The following PRKN variants were observed in gnomAD, a reference collection of about 807,000 sequenced individuals.
PRKN encodes E3 ubiquitin-protein ligase parkin.
Under a neutral mutation model 59.5 loss-of-function variants are expected in PRKN, and 56 were observed. The observed-to-expected ratio is 0.94, with a 90% confidence interval of 0.76 to 1.18. The LOEUF (loss-of-function observed/expected upper bound fraction) is 1.18, where lower values mean the gene tolerates loss of function less well. PRKN is among the 50% of genes most tolerant of loss of function. The probability of loss-of-function intolerance (pLI) is 0.00; values close to 1 mark genes in which losing one functional copy is unlikely to be tolerated. For missense variants in PRKN, 657 were observed against 596.4 expected (o/e 1.10, Z -1.06); for synonymous variants, 250 against 222.1 (o/e 1.13, Z -1.12).
chr6:162,319,756 A>G (rs944071207), intron 2 of PRKN, among the ~76,000 whole-genome samples: 1 of 152,156 alleles, frequency 6.6e-6, no homozygotes, highest in African/African-American at 2.4e-5. Flanking sequence ...ATTAAGAGAG[A>G]CAAATTGCAA....
At chr6:162,073,027 T>C (rs1778647211) in intron 4 of PRKN, among the ~76,000 whole-genome samples, 2 of 152,178 alleles carry the variant, frequency 1.3e-5, no homozygotes, top group South Asian at 4.1e-4. Context: ...TCCTCATGCT[T>C]CACTATCTTA....
intron 1 of PRKN, among the ~76,000 whole-genome samples, chr6:162,493,741 T>C (rs1394448743): frequency 1.3e-5 from 2 of 152,160 alleles, no homozygotes; most frequent in African/African-American, 2.4e-5. Context: ...ACTCCTTCCA[T>C]AAGGAAGCCC....
chr6:161,733,294 G>A (rs1248945631), intron 7 of PRKN, among the ~76,000 whole-genome samples: 5 of 152,100 alleles, frequency 3.3e-5, no homozygotes, highest in Non-Finnish European at 7.4e-5. Context: ...TAAAAGAACT[G>A]AGTAAGATAA....
At chr6:162,709,547 T>C (rs1313519402) in intron 1 of PRKN, among the ~76,000 whole-genome samples, 1 of 152,100 alleles carries the variant, frequency 6.6e-6, no homozygotes, top group African/African-American at 2.4e-5. Context: ...CACTCATTCA[T>C]AGCATCCATC....
rs1011691647 is a variant in PRKN, at chr6:161,447,266, T to C, written c.1084-60389A>G. 6.6e-6 allele frequency among the ~76,000 whole-genome samples: 1 copy of C among 152,172 alleles called. No individual in the cohort carries two copies. The highest frequency in any genetic ancestry group is 2.4e-5 in the African/African-American group (1 of 41,446). On this transcript the variant is annotated intron_variant, in intron 9 of 11. Coordinates refer to ENST00000366898, the MANE Select transcript of PRKN (RefSeq NM_004562.3). This position sits in a 1 kb window ranked among gnomAD's most constrained non-coding sequence, Gnocchi z 4.1. ...CGTGTCTAAATTCTTCGGTTCTCTC[T>C]GACATGCTCAATCTAGGGTTTCCCG...
intron 1 of PRKN, among the ~76,000 whole-genome samples, chr6:162,599,714 G>A (rs570930176): frequency 6.8e-4 from 103 of 152,202 alleles, no homozygotes; most frequent in African/African-American, 2.4e-3. Context: ...ATCAGAATAT[G>A]GGCAGAACTC....
Position 162,165,923 on chromosome 6 carries a change from C to T in PRKN, c.534+35208G>A, listed in dbSNP as rs557121349. Among the ~76,000 whole-genome samples the T allele has an allele frequency of 2.1e-3, 323 of 151,970 alleles. 1 individual carries two copies. Among genetic ancestry groups the T allele is most frequent in the African/African-American group, 7.5e-3 (310 of 41,418 alleles). On this transcript the variant is annotated intron_variant, in intron 4 of 11. Coordinates refer to ENST00000366898, the MANE Select transcript of PRKN (RefSeq NM_004562.3). Reference sequence around the variant, plus strand: ...ATTAGCCGGGTGTGGTGGTGGGCACCTGTAGTCTCAGCTACTCAGGAGGCT... The same window carrying T: ...ATTAGCCGGGTGTGGTGGTGGGCACTTGTAGTCTCAGCTACTCAGGAGGCT...
At chr6:161,626,428 C>T (rs774204761) in intron 7 of PRKN, among the ~76,000 whole-genome samples, 2 of 152,220 alleles carry the variant, frequency 1.3e-5, no homozygotes, top group African/African-American at 2.4e-5. Context: ...GCCAGTCCTT[C>T]CTTCAACCAT....
At position 162,223,636 on chromosome 6, in the gene PRKN, C is replaced by CAG. The variant is rs1421455346; in HGVS notation, c.413-22385_413-22384insCT. 4.7e-5 allele frequency among the ~76,000 whole-genome samples: 5 copies of CAG among 106,512 alleles called. No individual in the cohort carries two copies. In the East Asian group the frequency reaches 3.2e-3, roughly 68 times the overall value. The allele number at this position is 106,512 out of a possible 152,430, so 69.9% of individuals were successfully genotyped here. On this transcript the variant is annotated intron_variant, in intron 3 of 11. Transcript: ENST00000366898. ...TGACACACACACACACACACACACACACACACACACACACACACACACACA... is the reference window on the plus strand; with the variant it reads ...TGACACACACACACACACACACACACAGACACACACACACACACACACACACA...
chr6:162,080,406 C>T (rs574351091), intron 4 of PRKN, among the ~76,000 whole-genome samples: 2 of 151,942 alleles, frequency 1.3e-5, no homozygotes, highest in Non-Finnish European at 2.9e-5. Context: ...TAGTTACAGG[C>T]ATAAGTTGGA....
At chr6:162,599,442 C>A (rs1781614683) in intron 1 of PRKN, among the ~76,000 whole-genome samples, 1 of 152,126 alleles carries the variant, frequency 6.6e-6, no homozygotes, top group African/African-American at 2.4e-5. Context: ...TTCCAGATAA[C>A]AGAATGGGGT....
chr6:162,062,908 G>A (rs1778157915), intron 4 of PRKN, among the ~76,000 whole-genome samples: 1 of 152,168 alleles, frequency 6.6e-6, no homozygotes, highest in Non-Finnish European at 1.5e-5. Context: ...TCTCAATAAA[G>A]TGGGTAAGGA....
At position 161,480,363 on chromosome 6, in the gene PRKN, G is replaced by A. The variant is rs535608778; in HGVS notation, c.1083+68491C>T. On this transcript the variant is annotated intron_variant, in intron 9 of 11. Coordinates refer to ENST00000366898, the MANE Select transcript of PRKN (RefSeq NM_004562.3). This position sits in a 1 kb window ranked among gnomAD's most constrained non-coding sequence, Gnocchi z 4.1. ...GTATGGGGCCCTGTGTGACTGTACAGGTCGCACACTCCAAGCTGGCCCTAT... is the reference window on the plus strand; with the variant it reads ...GTATGGGGCCCTGTGTGACTGTACAAGTCGCACACTCCAAGCTGGCCCTAT... Among the ~76,000 whole-genome samples, 65 of 152,212 alleles carry A rather than the reference G, an allele frequency of 4.3e-4. No homozygotes were observed. The highest frequency in any genetic ancestry group is 1.5e-3 in the African/African-American group (63 of 41,552).
In PRKN at chr6:161,468,774, C is replaced by T. The variant is rs1790613187; in HGVS notation, c.1083+80080G>A. On this transcript the variant is annotated intron_variant, in intron 9 of 11. Coordinates refer to ENST00000366898, the MANE Select transcript of PRKN (RefSeq NM_004562.3). This position sits in a 1 kb window ranked among gnomAD's most constrained non-coding sequence, Gnocchi z 5.9. ...TCTTCTCAAGGACAGGAAAGTCATG[C>T]ACAGTGTATGTTCATTCATTTGTGA... Among the ~76,000 whole-genome samples, 1 of 152,154 alleles carries T rather than the reference C, an allele frequency of 6.6e-6. No homozygotes were observed.
At chr6:162,595,946 C>A (rs1265141966) in intron 1 of PRKN, among the ~76,000 whole-genome samples, 1 of 151,908 alleles carries the variant, frequency 6.6e-6, no homozygotes, top group Non-Finnish European at 1.5e-5. Context: ...ATACTTTTAA[C>A]TTAATCCAAA....
chr6:162,262,927 C>A (rs977912511), intron 2 of PRKN, among the ~76,000 whole-genome samples, 162 bp from the exon 3 acceptor site: 3 of 152,196 alleles, frequency 2.0e-5, no homozygotes, highest in South Asian at 4.1e-4. Flanking sequence ...ACACACTACA[C>A]ACGGTAGACA....
intron 6 of PRKN, among the ~76,000 whole-genome samples, chr6:161,927,871 A>T (rs1562395947): frequency 6.6e-6 from 1 of 152,234 alleles, no homozygotes; most frequent in African/African-American, 2.4e-5. Context: ...TTACTGAAGA[A>T]GCATAAAAAA....
At position 161,423,393 on chromosome 6, in the gene PRKN, G is replaced by A. The variant is rs752627100; in HGVS notation, c.1084-36516C>T. 3.3e-5 allele frequency among the ~76,000 whole-genome samples: 5 copies of A among 152,168 alleles called. No individual in the cohort carries two copies. Among genetic ancestry groups the A allele is most frequent in the Non-Finnish European group, 7.3e-5 (5 of 68,030 alleles). ...TGTAAATAATTCGGAGGTGAGTACT[G>A]CGATGCAGTTACACGTCGTAACCAC... On this transcript the variant is annotated intron_variant, in intron 9 of 11. Coordinates refer to ENST00000366898, the MANE Select transcript of PRKN (RefSeq NM_004562.3). This position sits in a 1 kb window ranked among gnomAD's most constrained non-coding sequence, Gnocchi z 5.9.
In PRKN at chr6:162,112,834, G is replaced by T. The variant is rs191423178; in HGVS notation, c.535-58660C>A. On this transcript the variant is annotated intron_variant, in intron 4 of 11. Transcript: ENST00000366898. ...TTTACACCTGTGGTGCCAGCTACTC[G>T]GGAGGCTGAGGTAGGGAGGTCAAGG... Among the ~76,000 whole-genome samples, 943 of 151,748 alleles carry T rather than the reference G, an allele frequency of 6.2e-3. 10 individuals carry two copies. The highest frequency in any genetic ancestry group is 0.022 in the African/African-American group (892 of 41,358).
Sources: allele counts gnomAD v4.1 joint callset (sites outside exome capture counted in the v4.1 genomes callset), GRCh38; gene constraint gnomAD v4.1.1; non-coding constraint Gnocchi (gnomAD v3.1); transcripts MANE v1.5; gene names NCBI Gene and HGNC (gene_info 2026-07-23, HGNC 2026-07-21).